Variants in PTPRG observed in about 807,000 individuals in gnomAD.
PTPRG encodes the protein receptor-type tyrosine-protein phosphatase gamma.
In PTPRG, 102 loss-of-function variants were observed where a neutral mutation model predicts 165.3. The ratio of observed to expected loss-of-function variants is 0.62; its 90% CI spans 0.53 to 0.73. PTPRG has a LOEUF of 0.73. Ranked by LOEUF, PTPRG falls within the 30% of genes least tolerant of loss-of-function variation. The probability of loss-of-function intolerance (pLI) is 0.00; values close to 1 mark genes in which losing one functional copy is unlikely to be tolerated. For missense variants in PTPRG, 1,866 were observed against 1,861.4 expected, an observed-to-expected ratio of 1.00 and a Z score of -0.05; for synonymous variants, 675 against 669.5, an observed-to-expected ratio of 1.01 and a Z score of -0.13.
At chr3:61,689,763 T>C (rs957232270) in intron 1 of PTPRG, among the ~76,000 whole-genome samples, 3 of 152,234 alleles carry the variant, frequency 2.0e-5, no homozygotes, top group Non-Finnish European at 2.9e-5. Flanking sequence ...GGGGAGAAAC[T>C]AGTATGCAAA....
chr3:61,877,121 G>T (rs1270572321), intron 2 of PTPRG, among the ~76,000 whole-genome samples: 1 of 152,024 alleles, frequency 6.6e-6, no homozygotes, highest in African/African-American at 2.4e-5. Flanking sequence ...TAGCACTCCA[G>T]ACATTAAATA....
chr3:62,141,658 G>T (rs574023201), intron 6 of PTPRG, among the ~76,000 whole-genome samples: 8 of 152,026 alleles, frequency 5.3e-5, no homozygotes, highest in South Asian at 4.2e-4. Context: ...CCAACATTGT[G>T]GGGGGACGAG....
rs1177374965 is a variant in PTPRG, at chr3:62,269,117, A to G, written c.2957A>G (p.His986Arg). The change falls in exon 20 of 30, where the codon CAT becomes CGT. Residue 986 changes from histidine (H) to arginine (R), a missense_variant. His to Arg is a conservative substitution (Grantham distance 29). Coordinates refer to ENST00000474889, the MANE Select transcript of PTPRG (RefSeq NM_002841.4). ...IIVTLKSTKIHACYTVRRFSI... is the reference protein window; with the variant it reads ...IIVTLKSTKIRACYTVRRFSI... ...GTCACGCTGAAGAGCACAAAAATACATGCCTGCTACACTGTTCGTCGTTTT... is the reference window on the plus strand; with the variant it reads ...GTCACGCTGAAGAGCACAAAAATACGTGCCTGCTACACTGTTCGTCGTTTT... 6.2e-7 allele frequency: 1 copy of G among 1,609,406 alleles called. No individual in the cohort carries two copies. Among genetic ancestry groups the G allele is most frequent in the East Asian group, 2.2e-5 (1 of 44,734 alleles).
chr3:62,030,766 T>G (rs1042753063), intron 4 of PTPRG, among the ~76,000 whole-genome samples: 1 of 152,208 alleles, frequency 6.6e-6, no homozygotes, highest in African/African-American at 2.4e-5. Flanking sequence ...GTCTCTATAA[T>G]GGAATTAATT....
At chr3:62,046,336 G>A (rs1337644149) in intron 4 of PTPRG, among the ~76,000 whole-genome samples, 1 of 152,126 alleles carries the variant, frequency 6.6e-6, no homozygotes, top group Non-Finnish European at 1.5e-5. Flanking sequence ...GACCCTCCAG[G>A]ATTTCTTCTG....
chr3:62,082,738 A>T (rs2661889), intron 5 of PTPRG, among the ~76,000 whole-genome samples: 44,252 of 152,132 alleles, frequency 0.29, 8,346 homozygotes, highest in African/African-American at 0.54. Flanking sequence ...GTGAAGAGCC[A>T]GGTCTGCTGT....
rs61136954 is a variant in PTPRG, at chr3:61,708,443, C to CTTTTTTT, written c.86-40413_86-40407dup. The stretch of plus-strand genomic sequence containing the variant: ...CTAATGAACTGGGCTCTCTGCAAAT[C>CTTTTTTT]TTTTTTTTTTTTTTTTTTTTTTTTT... On this transcript the variant is annotated intron_variant, in intron 1 of 29. Transcript: ENST00000474889. Among the ~76,000 whole-genome samples, 102 of 75,916 alleles carry CTTTTTTT rather than the reference C, an allele frequency of 1.3e-3. 8 individuals are homozygous for CTTTTTTT. Among genetic ancestry groups the CTTTTTTT allele is most frequent in the Non-Finnish European group, 1.7e-3 (73 of 41,988 alleles). The allele number at this position is 75,916 out of a possible 152,430, so 49.8% of individuals were successfully genotyped here. A position where few individuals can be genotyped will look rare whatever the true frequency, so the allele number is the denominator to read the frequency against.
At chr3:62,269,572 C>T (rs1405255174) in intron 20 of PTPRG, among the ~76,000 whole-genome samples, 1 of 152,160 alleles carries the variant, frequency 6.6e-6, no homozygotes, top group Non-Finnish European at 1.5e-5. Context: ...ACATCAGATT[C>T]TGCTGTTCAA....
chr3:61,691,129 C>T (rs776171721), intron 1 of PTPRG, among the ~76,000 whole-genome samples: 7 of 152,108 alleles, frequency 4.6e-5, no homozygotes, highest in Non-Finnish European at 7.3e-5. Context: ...AAACAAGTTG[C>T]AGTTTGGGCA....
chr3:62,108,046 C>CTT (rs35573206), intron 5 of PTPRG, among the ~76,000 whole-genome samples: 5 of 145,948 alleles, frequency 3.4e-5, no homozygotes, highest in South Asian at 4.3e-4. Context: ...CTCTCTCGCT[C>CTT]TTTTTTTTTT....
intron 1 of PTPRG, among the ~76,000 whole-genome samples, chr3:61,595,146 C>T (rs896974076): frequency 1.3e-5 from 2 of 151,890 alleles, no homozygotes; most frequent in Non-Finnish European, 2.9e-5. Flanking sequence ...CAGCAATAAT[C>T]TCCCACTTCC....
At chr3:61,716,653 G>T (rs1165729327) in intron 1 of PTPRG, among the ~76,000 whole-genome samples, 1 of 152,044 alleles carries the variant, frequency 6.6e-6, no homozygotes, top group African/African-American at 2.4e-5. Context: ...TAAACTACCT[G>T]GTAAAAATAC....
intron 2 of PTPRG, among the ~76,000 whole-genome samples, chr3:61,811,980 T>A (rs769949030): frequency 1.3e-5 from 2 of 152,174 alleles, no homozygotes; most frequent in Non-Finnish European, 2.9e-5. Context: ...AATAATTAAA[T>A]TTATTAGTAG....
At chr3:61,731,673 A>G (rs113606652) in intron 1 of PTPRG, among the ~76,000 whole-genome samples, 1 of 152,180 alleles carries the variant, frequency 6.6e-6, no homozygotes, top group African/African-American at 2.4e-5. Flanking sequence ...AGTGCTATGC[A>G]GGGCTTTAAA....
chr3:61,823,260 A>G (rs955134862), intron 2 of PTPRG, among the ~76,000 whole-genome samples: 1 of 152,150 alleles, frequency 6.6e-6, no homozygotes, highest in Non-Finnish European at 1.5e-5. Context: ...GCACCATCTC[A>G]GCTTACTACA....
chr3:62,039,424 T>C (rs918862062), intron 4 of PTPRG, among the ~76,000 whole-genome samples: 3 of 152,128 alleles, frequency 2.0e-5, no homozygotes, highest in East Asian at 1.9e-4. Context: ...GGAAAAAATA[T>C]CTTTTTTTCT....
intron 4 of PTPRG, among the ~76,000 whole-genome samples, chr3:62,077,426 T>C (rs577184195): frequency 3.9e-5 from 6 of 152,330 alleles, no homozygotes; most frequent in Admixed American, 2.6e-4. Flanking sequence ...TTCTCATCTA[T>C]AGCTGAGTAT....
At chr3:61,762,746 C>A (rs1162434455) in intron 2 of PTPRG, among the ~76,000 whole-genome samples, 3 of 152,106 alleles carry the variant, frequency 2.0e-5, no homozygotes, top group Non-Finnish European at 4.4e-5. Flanking sequence ...CTAGAAAAGA[C>A]CCCCTTACTC....
intron 4 of PTPRG, among the ~76,000 whole-genome samples, chr3:62,017,392 GCGTTAAT>G (rs1450883247): frequency 6.6e-6 from 1 of 151,398 alleles, no homozygotes; most frequent in Non-Finnish European, 1.5e-5. Context: ...GTGAGGCTAA[GCGTTAAT>G]CGTTTAGCTC....
Sources: allele counts gnomAD v4.1 joint callset (sites outside exome capture counted in the v4.1 genomes callset), GRCh38; gene constraint gnomAD v4.1.1; transcripts MANE v1.5; gene names NCBI Gene and HGNC (gene_info 2026-07-23, HGNC 2026-07-21).